The following PCDHA11 variants were observed in gnomAD, a reference collection of about 807,000 sequenced individuals.
PCDHA11 encodes the protein protocadherin alpha-11.
PCDHA11 carries 61 observed loss-of-function variants against 70.3 expected under a neutral mutation model. That is an observed-to-expected ratio of 0.87 (90% CI 0.71 to 1.07). The LOEUF (loss-of-function observed/expected upper bound fraction) is 1.07. PCDHA11 is among the 50% of genes least tolerant of loss of function. The pLI is 0.00. For synonymous variants in PCDHA11, 633 were observed against 555.1 expected, an observed-to-expected ratio of 1.14 and a Z score of -1.97; for missense variants, 1,324 against 1,237.5, an observed-to-expected ratio of 1.07 and a Z score of -1.05.
intron 1 of PCDHA11, chr5:140,876,644 C>G: frequency 2.5e-6 from 4 of 1,614,200 alleles, no homozygotes; most frequent in Non-Finnish European, 3.4e-6. Context: ...TCACTGACAC[C>G]TCATGTTCCC....
In PCDHA11 at chr5:140,871,215, C is replaced by T. The variant is rs782542021; in HGVS notation, c.2112C>T (p.Cys704=). ...DVNVYLIIAI[C]VVSSLLVLTL... Reference sequence around the variant, plus strand: ...ACGTGTACCTGATCATCGCCATCTGCGTGGTGTCCAGCCTCCTGGTACTCA... The same window carrying T: ...ACGTGTACCTGATCATCGCCATCTGTGTGGTGTCCAGCCTCCTGGTACTCA... The change falls in exon 1 of 4, where the codon TGC becomes TGT. Residue 704 remains cysteine, a synonymous_variant. Transcript: ENST00000398640. The T allele has an allele frequency of 1.2e-6, 2 of 1,613,854 alleles. No individual in the cohort carries two copies. The highest frequency in any genetic ancestry group is 1.7e-6 in the Non-Finnish European group (2 of 1,179,952).
At chr5:140,969,968 G>A (rs935403265) in intron 1 of PCDHA11, among the ~76,000 whole-genome samples, 2 of 152,200 alleles carry the variant, frequency 1.3e-5, no homozygotes, top group Non-Finnish European at 2.9e-5. Flanking sequence ...GCTGTATGAT[G>A]TGGCAACTCT....
rs2098417470 is a variant in PCDHA11, at chr5:141,010,504, A to G, written c.*567A>G. On this transcript the variant is annotated 3_prime_UTR_variant, in exon 4 of 4. Coordinates refer to ENST00000398640, the MANE Select transcript of PCDHA11 (RefSeq NM_018902.5). ...AACTTAAAGGGACCAGACTTTCTAA[A>G]TCTTACAACTCAAGAGGTGGCAGCC... 3.6e-6 allele frequency: 2 copies of G among 549,616 alleles called. No homozygotes were observed. The allele number at this position is 549,616 out of a possible 1,614,324, so 34.0% of individuals were successfully genotyped here.
chr5:140,910,924 A>G (rs568597600), intron 1 of PCDHA11, among the ~76,000 whole-genome samples: 2 of 152,260 alleles, frequency 1.3e-5, no homozygotes, highest in South Asian at 4.1e-4. Flanking sequence ...GCTTATATAA[A>G]TAAGAAAGCT....
intron 1 of PCDHA11, among the ~76,000 whole-genome samples, chr5:140,903,594 A>G (rs868958257): frequency 3.3e-5 from 5 of 152,238 alleles, no homozygotes; most frequent in South Asian, 2.1e-4. Flanking sequence ...TTGGCCTGAT[A>G]AATGCTTAAT....
At chr5:140,926,863 G>T (rs2083606655) in intron 1 of PCDHA11, 6 of 1,523,054 alleles carry the variant, frequency 3.9e-6, no homozygotes, top group Non-Finnish European at 5.3e-6. Flanking sequence ...GGTGTAGCGT[G>T]TTGGTGGAAC....
At chr5:141,004,391 G>A (rs62384511) in intron 3 of PCDHA11, among the ~76,000 whole-genome samples, 4 of 152,342 alleles carry the variant, frequency 2.6e-5, no homozygotes, top group East Asian at 3.9e-4. Flanking sequence ...AGCTGGACAT[G>A]TGGAGGAGGC....
At chr5:140,941,241 T>TTCTTTCTTTCTTTCTTTCTTTC in intron 1 of PCDHA11, among the ~76,000 whole-genome samples, 2 of 140,458 alleles carry the variant, frequency 1.4e-5, no homozygotes, top group South Asian at 4.5e-4. Context: ...CTTTCTTTCT[T>TTCTTTCTTTCTTTCTTTCTTTC]TCTTTCTTTC....
chr5:140,869,802 G>T lies in PCDHA11; in HGVS notation c.699G>T (p.Leu233Phe). The T allele has an allele frequency of 6.2e-7, 1 of 1,612,556 alleles. No individual in the cohort carries two copies. Among genetic ancestry groups the T allele is most frequent in the South Asian group, 1.1e-5 (1 of 90,960 alleles). The change falls in exon 1 of 4, where the codon TTG (leucine) becomes TTT (phenylalanine). Residue 233 changes from leucine (L) to phenylalanine (F), a missense_variant. Transcript: ENST00000398640. ...TGTVRLLVQV[L>F]DVNDNDPEFD... ...CCGTTCGGCTGTTAGTCCAAGTCTT[G>T]GATGTCAACGACAATGATCCAGAGT...
intron 1 of PCDHA11, among the ~76,000 whole-genome samples, chr5:140,908,124 C>A (rs782391085): frequency 6.6e-6 from 1 of 152,234 alleles, no homozygotes; most frequent in Non-Finnish European, 1.5e-5. Flanking sequence ...GATTTCCCTT[C>A]ACTGCTGTCC....
chr5:141,004,531 C>A (rs1051693064), intron 3 of PCDHA11, among the ~76,000 whole-genome samples: 2 of 152,234 alleles, frequency 1.3e-5, no homozygotes, highest in Admixed American at 1.3e-4. Flanking sequence ...ATACACACAG[C>A]CATTAATGTC....
At chr5:140,898,112 G>A (rs1308883558) in intron 1 of PCDHA11, among the ~76,000 whole-genome samples, 1 of 152,046 alleles carries the variant, frequency 6.6e-6, no homozygotes, top group African/African-American at 2.4e-5. Flanking sequence ...TGAGTAGGTT[G>A]CGAAAATTTT....
Position 141,010,530 on chromosome 5 carries a change from A to T in PCDHA11, c.*593A>T, listed in dbSNP as rs188140091. 45 of 414,090 alleles carry T rather than the reference A, an allele frequency of 1.1e-4. No homozygotes were observed. In the Admixed American group the frequency reaches 1.6e-3, roughly 15 times the overall value. The allele number at this position is 414,090 out of a possible 1,614,324, so 25.7% of individuals were successfully genotyped here. On this transcript the variant is annotated 3_prime_UTR_variant, in exon 4 of 4. Coordinates refer to ENST00000398640, the MANE Select transcript of PCDHA11 (RefSeq NM_018902.5). ...TCTTACAACTCAAGAGGTGGCAGCC[A>T]CCCTCTAGGAGACAAAACTACCCCC... is the stretch of plus-strand genomic sequence containing the variant.
intron 3 of PCDHA11, among the ~76,000 whole-genome samples, chr5:141,007,395 C>CAAA (rs35800918): frequency 7.4e-5 from 7 of 94,852 alleles, no homozygotes; most frequent in Non-Finnish European, 1.2e-4. Flanking sequence ...TACTAAAATA[C>CAAA]AAAAAAAAAA....
chr5:140,978,653 G>A (rs527551897), intron 1 of PCDHA11, among the ~76,000 whole-genome samples: 25 of 152,314 alleles, frequency 1.6e-4, no homozygotes, highest in African/African-American at 5.5e-4. Flanking sequence ...TGTTCTTCCC[G>A]TAGTGTTTTA....
At chr5:140,959,544 T>C (rs2095494180) in intron 1 of PCDHA11, among the ~76,000 whole-genome samples, 1 of 152,208 alleles carries the variant, frequency 6.6e-6, no homozygotes, top group Non-Finnish European at 1.5e-5. Context: ...AGAGATGCTG[T>C]ATAAATAGAA....
rs199809889 is a variant in PCDHA11, at chr5:140,883,348, A to C, written c.2391+11854A>C. On this transcript the variant is annotated intron_variant, in intron 1 of 3. Transcript: ENST00000398640. ...TCACTTCTTTGTCACTCCCCATCAGAGAAGACACTCAGCCTAGCGCCATTA... is the reference window on the plus strand; with the variant it reads ...TCACTTCTTTGTCACTCCCCATCAGCGAAGACACTCAGCCTAGCGCCATTA... The C allele has an allele frequency of 1.9e-6, 3 of 1,614,172 alleles. No homozygotes were observed. In the African/African-American group the frequency reaches 4.0e-5, roughly 22 times the overall value.
chr5:140,939,673 T>C (rs1235567287), intron 1 of PCDHA11, among the ~76,000 whole-genome samples: 1 of 152,196 alleles, frequency 6.6e-6, no homozygotes, highest in African/African-American at 2.4e-5. Context: ...CCAACTTGTA[T>C]GTATGTGTGT....
At chr5:140,996,699 C>T (rs1462785057) in intron 3 of PCDHA11, among the ~76,000 whole-genome samples, 3 of 152,146 alleles carry the variant, frequency 2.0e-5, no homozygotes, top group Non-Finnish European at 2.9e-5. Flanking sequence ...TTCTGAACCT[C>T]TATCTCTTTG....
Sources: gnomAD v4.1 joint callset for allele counts (sites outside exome capture counted in the v4.1 genomes callset) on GRCh38, gnomAD v4.1.1 for gene constraint, MANE v1.5 for transcripts, NCBI Gene and HGNC (gene_info 2026-07-23, HGNC 2026-07-21) for gene names.